Variants in ADGRB3 observed in about 807,000 individuals in gnomAD.
The protein encoded by ADGRB3 is brain-specific angiogenesis inhibitor 3.
A neutral mutation model predicts 193.4 loss-of-function variants in ADGRB3; 37 were observed. The observed-to-expected ratio is 0.19, with a 90% CI of 0.15 to 0.25. ADGRB3 has a LOEUF of 0.25. Among genes scored for constraint, ADGRB3 ranks in the 10% least tolerant of loss-of-function variants. The probability of loss-of-function intolerance (pLI) is 1.00; values close to 1 mark genes in which losing one functional copy is unlikely to be tolerated. For missense variants in ADGRB3, 1,637 were observed against 1,852.9 expected, an observed-to-expected ratio of 0.88 and a Z score of 2.14; for synonymous variants, 690 against 644.2, an observed-to-expected ratio of 1.07 and a Z score of -1.08.
rs1197282214 is a variant in ADGRB3 at position 69,377,596 on chromosome 6, A to T, written c.4275+5155A>T. ...GTGTATAAAGTTCTAAGGCTGGAAA[A>T]CGTCATTCACAGAAACTGGTTTCTA... On this transcript the variant is annotated intron_variant, in intron 30 of 31. Transcript: ENST00000370598. Among the ~76,000 whole-genome samples, 3 of 152,020 alleles carry T rather than the reference A, an allele frequency of 2.0e-5. No individual in the cohort carries two copies. The South Asian group carries it at 6.2e-4, about 32-fold the overall frequency.
Position 68,744,967 on chromosome 6 carries a change from CA to C in ADGRB3, c.757+105536del, listed in dbSNP as rs1766054901. Among the ~76,000 whole-genome samples, 3 of 152,020 alleles carry C rather than the reference CA, an allele frequency of 2.0e-5. No individual in the cohort carries two copies. In the South Asian group the frequency reaches 6.2e-4, roughly 31 times the overall value. ...TAAGTAAAGCAATTTTGTAACAAAG[CA>C]GGAATAGGCCTCAAATACAATAAAA... is the stretch of plus-strand genomic sequence containing the variant. On this transcript the variant is annotated intron_variant, in intron 3 of 31. Transcript: ENST00000370598.
intron 17 of ADGRB3, among the ~76,000 whole-genome samples, chr6:69,227,576 T>C (rs1222197914): frequency 6.6e-6 from 1 of 152,162 alleles, no homozygotes; most frequent in South Asian, 2.1e-4. Flanking sequence ...CTGGGATAAT[T>C]TGTAGAACTG....
At chr6:68,989,978 G>A (rs1391377565) in intron 10 of ADGRB3, among the ~76,000 whole-genome samples, 5 of 151,990 alleles carry the variant, frequency 3.3e-5, no homozygotes, top group Non-Finnish European at 7.4e-5. Flanking sequence ...TTGAAGAAGG[G>A]ATTGGATGGG....
intron 3 of ADGRB3, among the ~76,000 whole-genome samples, chr6:68,644,864 A>C (rs1377506128): frequency 2.0e-5 from 3 of 152,192 alleles, no homozygotes; most frequent in African/African-American, 4.8e-5. Context: ...CAATGTATAC[A>C]CACATGTGCC....
chr6:68,978,593 T>C (rs1254491466), intron 10 of ADGRB3, among the ~76,000 whole-genome samples: 2 of 151,478 alleles, frequency 1.3e-5, no homozygotes, highest in East Asian at 3.8e-4. Context: ...GCATACTCAA[T>C]TGGAAACAGA....
chr6:68,792,832 G>T (rs1397175363), intron 3 of ADGRB3, among the ~76,000 whole-genome samples: 1 of 152,080 alleles, frequency 6.6e-6, no homozygotes, highest in Non-Finnish European at 1.5e-5. Flanking sequence ...TCAGATACTG[G>T]AGCAAATGTC....
chr6:69,268,835 T>A (rs1400835833), intron 20 of ADGRB3, among the ~76,000 whole-genome samples: 2 of 152,154 alleles, frequency 1.3e-5, no homozygotes, highest in Non-Finnish European at 2.9e-5. Flanking sequence ...GGGGCAGGAC[T>A]GGTTAATGGC....
At chr6:69,246,440 C>T (rs1393326737) in intron 20 of ADGRB3, among the ~76,000 whole-genome samples, 3 of 152,086 alleles carry the variant, frequency 2.0e-5, no homozygotes, top group Admixed American at 6.6e-5. Context: ...TCCTGAAAAC[C>T]TTCATCAAAC....
chr6:69,096,771 A>G (rs939622189), intron 17 of ADGRB3, among the ~76,000 whole-genome samples: 1 of 152,192 alleles, frequency 6.6e-6, no homozygotes, highest in Non-Finnish European at 1.5e-5. Context: ...GTAGAAGATG[A>G]CAATACCTTT....
At chr6:69,200,094 T>A (rs887835043) in intron 17 of ADGRB3, among the ~76,000 whole-genome samples, 2 of 151,980 alleles carry the variant, frequency 1.3e-5, no homozygotes, top group Non-Finnish European at 2.9e-5. Context: ...GGTTTATGTA[T>A]GTTTTTGTTA....
chr6:68,750,230 A>C (rs1766169068), intron 3 of ADGRB3, among the ~76,000 whole-genome samples: 1 of 152,240 alleles, frequency 6.6e-6, no homozygotes, highest in South Asian at 2.1e-4. Flanking sequence ...CAAGCTTTTC[A>C]TTAAACACTT....
chr6:69,355,992 G>A (rs1769330107), intron 28 of ADGRB3, 132 bp downstream of exon 28: 4 of 651,648 alleles, frequency 6.1e-6, no homozygotes, highest in Non-Finnish European at 2.5e-6. Context: ...ATGTAAAGCA[G>A]CCCCCAAATG....
At chr6:68,883,432 C>T (rs1378204505) in intron 3 of ADGRB3, among the ~76,000 whole-genome samples, 1 of 152,206 alleles carries the variant, frequency 6.6e-6, no homozygotes, top group Non-Finnish European at 1.5e-5. Flanking sequence ...TCTCCTTCCA[C>T]GTTGTAGGAG....
chr6:69,016,942 A>C (rs1770110108), intron 12 of ADGRB3, among the ~76,000 whole-genome samples: 1 of 151,878 alleles, frequency 6.6e-6, no homozygotes. Flanking sequence ...ACACAAAGAT[A>C]AGGGGAAAAT....
intron 17 of ADGRB3, among the ~76,000 whole-genome samples, chr6:69,162,155 C>T (rs1775010709): frequency 6.6e-6 from 1 of 152,060 alleles, no homozygotes; most frequent in Non-Finnish European, 1.5e-5. Flanking sequence ...AAAATTTTGA[C>T]ATGGATGGTT....
intron 17 of ADGRB3, among the ~76,000 whole-genome samples, chr6:69,109,044 T>G (rs983797912): frequency 6.6e-6 from 1 of 152,164 alleles, no homozygotes; most frequent in African/African-American, 2.4e-5. Flanking sequence ...TTGTTCTGAA[T>G]GCAATAGGAA....
intron 13 of ADGRB3, among the ~76,000 whole-genome samples, chr6:69,037,698 T>C (rs1265853833): frequency 6.6e-6 from 1 of 152,118 alleles, no homozygotes. Context: ...TCACCATTTA[T>C]TTTGGTGGTA....
chr6:68,676,727 A>G (rs1038570392), intron 3 of ADGRB3, among the ~76,000 whole-genome samples: 6 of 152,182 alleles, frequency 3.9e-5, no homozygotes. Flanking sequence ...GTAGAGTGCT[A>G]AGTAAAATGA....
intron 17 of ADGRB3, among the ~76,000 whole-genome samples, chr6:69,205,684 T>C (rs1021526911): frequency 6.6e-6 from 1 of 152,120 alleles, no homozygotes; most frequent in Non-Finnish European, 1.5e-5. Flanking sequence ...AACATATCTT[T>C]TTATCAGGAT....
Sources: gnomAD v4.1 joint callset for allele counts (sites outside exome capture counted in the v4.1 genomes callset) on GRCh38, gnomAD v4.1.1 for gene constraint, MANE v1.5 for transcripts, NCBI Gene and HGNC (gene_info 2026-07-23, HGNC 2026-07-21) for gene names.